The following ERGIC3 variants were observed in gnomAD, a reference collection of about 807,000 sequenced individuals.
ERGIC3 encodes the protein ERGIC and golgi 3.
A neutral mutation model predicts 54.7 loss-of-function variants in ERGIC3; 33 were observed. The observed-to-expected ratio is 0.60, with a 90% confidence interval of 0.46 to 0.81. ERGIC3 has a LOEUF of 0.81. Ranked by LOEUF, ERGIC3 falls within the 30% of genes least tolerant of loss-of-function variation. ERGIC3 has a pLI of 0.00. For synonymous variants in ERGIC3, 186 were observed against 189.8 expected (o/e 0.98, Z 0.16); for missense variants, 399 against 488.4 (o/e 0.82, Z 1.73).
chr20:35,547,256 G>A (rs578122081), intron 4 of ERGIC3, 156 bp from the exon 5 acceptor site: 7 of 614,902 alleles, frequency 1.1e-5, no homozygotes, highest in Middle Eastern at 3.3e-4. Context: ...TGATATGTGT[G>A]TAGAAGTGCT....
chr20:35,552,077 G>T (rs2064684838), intron 7 of ERGIC3, among the ~76,000 whole-genome samples: 1 of 152,166 alleles, frequency 6.6e-6, no homozygotes, highest in Non-Finnish European at 1.5e-5. Context: ...TGGAGAAGGA[G>T]AAAGAAGACA....
At chr20:35,545,937 T>C (rs1001996486) in intron 4 of ERGIC3, among the ~76,000 whole-genome samples, 3 of 152,270 alleles carry the variant, frequency 2.0e-5, no homozygotes, top group Non-Finnish European at 4.4e-5. Flanking sequence ...GGGGAGTCAA[T>C]GTAGGTAGAG....
intron 3 of ERGIC3, 52 bp downstream of exon 3, chr20:35,542,652 G>T: frequency 1.2e-6 from 2 of 1,607,288 alleles, no homozygotes; most frequent in Non-Finnish European, 8.5e-7. Flanking sequence ...TCTCATGTGG[G>T]CTGCCAGATT....
At chr20:35,544,012 T>A (rs906504904) in intron 4 of ERGIC3, 1 of 262,900 alleles carries the variant, frequency 3.8e-6, no homozygotes, top group Non-Finnish European at 7.4e-6. Context: ...CTGAAGAATC[T>A]ACTATCTATC....
chr20:35,542,267 C>T (rs377394992), intron 1 of ERGIC3, 56 bp from the exon 2 acceptor site: 16 of 1,612,712 alleles, frequency 9.9e-6, no homozygotes, highest in Middle Eastern at 1.7e-4. Flanking sequence ...ACTGGCCTGC[C>T]GGTGTCTGAG....
At chr20:35,554,232 G>A (rs749941400) in intron 7 of ERGIC3, 51 of 1,125,356 alleles carry the variant, frequency 4.5e-5, no homozygotes, top group East Asian at 1.6e-4. Flanking sequence ...GGGCCCAGAA[G>A]GAGGCTTGTT....
rs746387753 is a variant in ERGIC3 at position 35,557,420 on chromosome 20, C to T, written c.1073-5C>T. The T allele has an allele frequency of 6.8e-6, 11 of 1,613,886 alleles. No homozygotes were observed. In the East Asian group the frequency reaches 2.5e-4, roughly 36 times the overall value. On this transcript the variant is annotated splice_polypyrimidine_tract_variant and splice_region_variant and intron_variant, in intron 12 of 12. Transcript: ENST00000348547. ...GGCCAGTGCCAGCCCTTGTCTCTCT[C>T]CCAGTGGCTGGACTCATCGATTCGC...
At chr20:35,548,383 G>T in intron 5 of ERGIC3, 126 bp from the exon 6 acceptor site, 1 of 970,910 alleles carries the variant, frequency 1.0e-6, no homozygotes. Flanking sequence ...GAGAATGTTT[G>T]GTGGTCAGGG....
At position 35,543,023 on chromosome 20, in the gene ERGIC3, G is replaced by A. The variant is rs774671545; in HGVS notation, c.367+82G>A. The A allele has an allele frequency of 2.5e-6, 4 of 1,592,962 alleles. No homozygotes were observed. In the African/African-American group the frequency reaches 4.0e-5, roughly 16 times the overall value. ...TCTGCTAGCAAGTGAACTGTGGCAG[G>A]CATAGTGATACATTAAACAACTAAG... On this transcript the variant is annotated intron_variant, in intron 4 of 12. Coordinates refer to ENST00000348547, the MANE Select transcript of ERGIC3 (RefSeq NM_015966.3).
intron 5 of ERGIC3, among the ~76,000 whole-genome samples, chr20:35,548,243 G>A (rs1472582271): frequency 6.6e-6 from 1 of 152,096 alleles, no homozygotes; most frequent in Non-Finnish European, 1.5e-5. Flanking sequence ...TTGGGAGGCC[G>A]AGGTAGGTGA....
intron 4 of ERGIC3, 182 bp from the exon 5 acceptor site, chr20:35,547,226 GTTTC>G: frequency 3.5e-6 from 2 of 565,970 alleles, no homozygotes; most frequent in South Asian, 4.1e-5. Flanking sequence ...TTTTCTTACT[GTTTC>G]TTTTATTAAA....
At chr20:35,542,622 G>T in intron 3 of ERGIC3, 22 bp downstream of exon 3, 1 of 1,613,094 alleles carries the variant, frequency 6.2e-7, no homozygotes, top group Non-Finnish European at 8.5e-7. Flanking sequence ...ACCATGGGTG[G>T]GACTGGAGAG....
chr20:35,542,490 T>C (rs760712810), intron 2 of ERGIC3, 23 bp from the exon 3 acceptor site: 1 of 1,613,944 alleles, frequency 6.2e-7, no homozygotes, highest in Non-Finnish European at 8.5e-7. Context: ...GGGCTAAGTC[T>C]TACTGAGGTA....
chr20:35,549,436 C>T (rs144814187), intron 7 of ERGIC3: 70 of 349,444 alleles, frequency 2.0e-4, no homozygotes, highest in African/African-American at 1.4e-3. Context: ...TTTGTTCATT[C>T]ATGCATTCAC....
In ERGIC3 at chr20:35,542,803, C is replaced by G. The variant is rs1208123354; in HGVS notation, c.248-19C>G. 2 of 1,614,092 alleles carry G rather than the reference C, an allele frequency of 1.2e-6. No individual in the cohort carries two copies. Among genetic ancestry groups the G allele is most frequent in the Admixed American group, 3.3e-5 (2 of 60,018 alleles). On this transcript the variant is annotated intron_variant, in intron 3 of 12. Coordinates refer to ENST00000348547, the MANE Select transcript of ERGIC3 (RefSeq NM_015966.3). ...GTCCCTAGGGTCCCAGTACCTTAGCCTGATTTTCCTGCTTCCAGATCTGAG... is the reference window on the plus strand; with the variant it reads ...GTCCCTAGGGTCCCAGTACCTTAGCGTGATTTTCCTGCTTCCAGATCTGAG...
Position 35,557,010 on chromosome 20 carries a change from A to T in ERGIC3, c.917A>T (p.Glu306Val). ...AATCAGTTCTCTGTGACCAGACATG[A>T]GAAGGTTGCCAATGGGCTGTTGGGC... ...RTNQFSVTRH[E>V]KVANGLLGDQ... is the part of the protein sequence containing the mutation. The change falls in exon 11 of 13, where the codon GAG becomes GTG. Residue 306 changes from glutamate (E) to valine (V), a missense_variant. Glu to Val is a moderately radical substitution (Grantham distance 121, BLOSUM62 -2). Transcript: ENST00000348547. 1 of 1,614,182 alleles carries T rather than the reference A, an allele frequency of 6.2e-7. No individual in the cohort carries two copies.
At chr20:35,555,701 C>G (rs2064707265) in intron 8 of ERGIC3, among the ~76,000 whole-genome samples, 1 of 151,756 alleles carries the variant, frequency 6.6e-6, no homozygotes, top group Non-Finnish European at 1.5e-5. Context: ...GCTTGTAATC[C>G]CAGCTACTCA....
At chr20:35,551,708 C>T (rs6058258) in intron 7 of ERGIC3, among the ~76,000 whole-genome samples, 2,284 of 152,282 alleles carry the variant, frequency 0.015, 63 homozygotes, top group African/African-American at 0.052. Flanking sequence ...CTGCCAGCCA[C>T]GGACGGGTGT....
At position 35,548,537 on chromosome 20, in the gene ERGIC3, G is replaced by A. The variant is rs1327522725; in HGVS notation, c.490G>A (p.Glu164Lys). ...KCCNTCEDVR[E>K]AYRRRGWAFK... ...CTGTAACACCTGTGAAGATGTGCGG[G>A]AGGCATATCGCCGTAGAGGCTGGGC... The change falls in exon 6 of 13, where the codon GAG becomes AAG. Residue 164 changes from glutamate to lysine, a missense_variant. Physicochemically the swap from Glu to Lys is moderately conservative, Grantham distance 56 (BLOSUM62 1). Transcript: ENST00000348547. 3 of 1,614,194 alleles carry A rather than the reference G, an allele frequency of 1.9e-6. No individual in the cohort carries two copies. In the Admixed American group the frequency reaches 5.0e-5, roughly 27 times the overall value.
Sources: gnomAD v4.1 joint callset for allele counts (sites outside exome capture counted in the v4.1 genomes callset) on GRCh38, gnomAD v4.1.1 for gene constraint, MANE v1.5 for transcripts, NCBI Gene and HGNC (gene_info 2026-07-23, HGNC 2026-07-21) for gene names.